ASPH: variants seen among roughly 807,000 people sequenced by gnomAD.
ASPH encodes aspartate beta-hydroxylase.
In ASPH, 100 loss-of-function variants were observed where a neutral mutation model predicts 118.4. That is an observed-to-expected ratio of 0.84 (90% confidence interval 0.72 to 1.00). The LOEUF (loss-of-function observed/expected upper bound fraction) is 1.00. ASPH is among the 50% of genes least tolerant of loss of function. The probability of loss-of-function intolerance (pLI) is 0.00; values close to 1 mark genes in which losing one functional copy is unlikely to be tolerated. For synonymous variants in ASPH, 315 were observed against 325.6 expected, an observed-to-expected ratio of 0.97 and a Z score of 0.35; for missense variants, 920 against 919.5, an observed-to-expected ratio of 1.00 and a Z score of -0.01.
intron 13 of ASPH, among the ~76,000 whole-genome samples, chr8:61,629,771 A>G (rs919191513): frequency 1.3e-5 from 2 of 152,254 alleles, no homozygotes; most frequent in Admixed American, 6.5e-5. Flanking sequence ...TGATTTTACC[A>G]CACCAAAACT....
At chr8:61,525,579 C>A (rs779993003) in intron 22 of ASPH, among the ~76,000 whole-genome samples, 2 of 152,172 alleles carry the variant, frequency 1.3e-5, no homozygotes, top group Non-Finnish European at 2.9e-5. Flanking sequence ...TGCAACGTCA[C>A]CTCCATTTTA....
At chr8:61,572,995 A>C (rs1273163516) in intron 16 of ASPH, among the ~76,000 whole-genome samples, 4 of 152,220 alleles carry the variant, frequency 2.6e-5, no homozygotes, top group Non-Finnish European at 5.9e-5. Context: ...CCTTAAGCTG[A>C]TAAGCAACTT....
At chr8:61,712,273 G>A (rs1272066969) in intron 1 of ASPH, among the ~76,000 whole-genome samples, 1 of 152,168 alleles carries the variant, frequency 6.6e-6, no homozygotes, top group Admixed American at 6.5e-5. Context: ...AGCATTAAAA[G>A]AAAAGCCGGC....
At chr8:61,579,325 G>A (rs555346938) in intron 15 of ASPH, 93 of 1,614,092 alleles carry the variant, frequency 5.8e-5, no homozygotes, top group Middle Eastern at 4.9e-4. Flanking sequence ...GACATGGCAC[G>A]GCAGCTGCGT....
At chr8:61,517,889 A>G in intron 23 of ASPH, 143 bp downstream of exon 23, 1 of 1,113,774 alleles carries the variant, frequency 9.0e-7, no homozygotes, top group African/African-American at 1.6e-5. Flanking sequence ...GACGTCAACC[A>G]CATAAAATTA....
chr8:61,558,998 T>C (rs1374418909), intron 18 of ASPH, among the ~76,000 whole-genome samples: 4 of 152,094 alleles, frequency 2.6e-5, no homozygotes, highest in Admixed American at 2.6e-4. Flanking sequence ...GAATAGCAAA[T>C]ATATTTTCTC....
chr8:61,680,382 A>G (rs967906532), intron 3 of ASPH: 1 of 151,842 alleles, frequency 6.6e-6, no homozygotes, highest in East Asian at 1.9e-4. Context: ...CCACATTGTT[A>G]TTTATTACAA....
chr8:61,548,091 C>T lies in ASPH; in HGVS notation c.1744G>A (p.Gly582Ser), dbSNP rs767213465. The stretch of plus-strand genomic sequence containing the variant: ...CTTACCTTTACTAACTCTGTGTAGC[C>T]CGTTTCTTTTGGGGTCCACCAAGGC... ...AQPWWTPKET[G>S]YTELVKSLER... The change falls in exon 21 of 25, where the codon GGC (glycine) becomes AGC (serine). Residue 582 changes from glycine (G) to serine (S), a missense_variant. Coordinates refer to ENST00000379454, the MANE Select transcript of ASPH (RefSeq NM_004318.4). 2.5e-6 allele frequency: 4 copies of T among 1,613,512 alleles called. No homozygotes were observed. The highest frequency in any genetic ancestry group is 3.4e-6 in the Non-Finnish European group (4 of 1,179,704).
At chr8:61,533,516 C>A (rs1818363355) in intron 21 of ASPH, among the ~76,000 whole-genome samples, 1 of 152,176 alleles carries the variant, frequency 6.6e-6, no homozygotes, top group African/African-American at 2.4e-5. Flanking sequence ...TGATCCTTGG[C>A]TGTCAGTCCT....
At chr8:61,668,414 C>CCAAT in intron 3 of ASPH, 1 of 626,730 alleles carries the variant, frequency 1.6e-6, no homozygotes, top group Non-Finnish European at 2.7e-6. Context: ...AAAAAATACT[C>CCAAT]CAATATCTCT....
chr8:61,668,771 T>C (rs532001143), intron 3 of ASPH, among the ~76,000 whole-genome samples: 1 of 152,358 alleles, frequency 6.6e-6, no homozygotes, highest in African/African-American at 2.4e-5. Context: ...TAAAAAATTA[T>C]ACAAGCAAGT....
chr8:61,537,722 C>T (rs1820167969), intron 21 of ASPH, among the ~76,000 whole-genome samples: 1 of 152,082 alleles, frequency 6.6e-6, no homozygotes, highest in Admixed American at 6.5e-5. Context: ...TTTAGAACCC[C>T]AAATGGAGTA....
chr8:61,558,578 C>T (rs1053199712), intron 18 of ASPH, among the ~76,000 whole-genome samples: 3 of 152,110 alleles, frequency 2.0e-5, no homozygotes, highest in Admixed American at 6.5e-5. Flanking sequence ...GTGATCTGCA[C>T]GGTGGACAGC....
At position 61,503,471 on chromosome 8, in the gene ASPH, G is replaced by A. The variant is rs747609767; in HGVS notation, c.2165C>T (p.Ser722Phe). 1.9e-6 allele frequency: 3 copies of A among 1,612,832 alleles called. No homozygotes were observed. The African/African-American group carries it at 4.0e-5, about 22-fold the overall frequency. Reference protein sequence around the residue: ...EEGKVLIFDDSFEHEVWQDAS... With the variant: ...EEGKVLIFDDFFEHEVWQDAS... ...ATCCTGCCATACCTCGTGCTCAAAG[G>A]AGTCATCAAAGATGAGCACCTTGCC... Residue 722 changes from serine (S) to phenylalanine (F), a missense_variant, in exon 25 of 25, where the codon TCC becomes TTC. Ser to Phe is a radical substitution (Grantham distance 155, BLOSUM62 -2). Coordinates refer to ENST00000379454, the MANE Select transcript of ASPH (RefSeq NM_004318.4).
At chr8:61,509,230 G>T (rs1449678938) in intron 24 of ASPH, among the ~76,000 whole-genome samples, 2 of 152,172 alleles carry the variant, frequency 1.3e-5, no homozygotes, top group Non-Finnish European at 1.5e-5. Context: ...AAAGAATTCA[G>T]GGCGAGTCCA....
At chr8:61,644,245 C>T (rs1326364907) in intron 7 of ASPH, among the ~76,000 whole-genome samples, 2 of 152,246 alleles carry the variant, frequency 1.3e-5, no homozygotes, top group African/African-American at 2.4e-5. Context: ...AAAGTGCTGA[C>T]AGATGATGCG....
intron 21 of ASPH, among the ~76,000 whole-genome samples, chr8:61,534,981 T>A (rs571881769): frequency 6.6e-6 from 1 of 152,246 alleles, no homozygotes; most frequent in Non-Finnish European, 1.5e-5. Flanking sequence ...AACTTCTCAC[T>A]GTCTGCATGT....
intron 16 of ASPH, among the ~76,000 whole-genome samples, chr8:61,574,144 T>A (rs557737950): frequency 6.6e-6 from 1 of 152,282 alleles, no homozygotes; most frequent in African/African-American, 2.4e-5. Context: ...AAAACCAGAA[T>A]GAGATACCAT....
chr8:61,655,801 T>G (rs1399298562), intron 3 of ASPH, among the ~76,000 whole-genome samples: 1 of 152,172 alleles, frequency 6.6e-6, no homozygotes, highest in Non-Finnish European at 1.5e-5. Context: ...GAAGGTGTAT[T>G]ATAAAATTGT....
Sources: allele counts gnomAD v4.1 joint callset (sites outside exome capture counted in the v4.1 genomes callset), GRCh38; gene constraint gnomAD v4.1.1; transcripts MANE v1.5; gene names NCBI Gene and HGNC (gene_info 2026-07-23, HGNC 2026-07-21).